PRSS27: variants seen among roughly 807,000 people sequenced by gnomAD.
The protein encoded by PRSS27 is channel-activating protease 2.
PRSS27 carries 25 observed loss-of-function variants against 32.0 expected under a neutral mutation model. That is an observed-to-expected ratio of 0.78 (90% confidence interval 0.57 to 1.09). The LOEUF is 1.09. Ranked by LOEUF, PRSS27 falls within the 50% of genes least tolerant of loss-of-function variation. PRSS27 has a pLI of 0.00. For missense variants in PRSS27, 401 were observed against 394.9 expected, an observed-to-expected ratio of 1.02 and a Z score of -0.13; for synonymous variants, 178 against 172.2, an observed-to-expected ratio of 1.03 and a Z score of -0.26.
Position 2,718,556 on chromosome 16 carries a change from A to T in PRSS27, c.46+1559T>A, listed in dbSNP as rs564583111. 15 of 152,068 alleles carry T rather than the reference A, an allele frequency of 9.9e-5. No individual in the cohort carries two copies. In the East Asian group the frequency reaches 2.9e-3, roughly 29 times the overall value. The allele number at this position is 152,068 out of a possible 1,614,324, so 9.4% of individuals were successfully genotyped here. A position where few individuals can be genotyped will look rare whatever the true frequency, so the allele number is the denominator to read the frequency against. On this transcript the variant is annotated intron_variant, in intron 1 of 5. Transcript: ENST00000302641. Reference sequence around the variant, plus strand: ...ATAGTCTCGATCTCCTGGCCCCGTGATCCGCCCACCTCGGCCTCCCAAAGT... The same window carrying T: ...ATAGTCTCGATCTCCTGGCCCCGTGTTCCGCCCACCTCGGCCTCCCAAAGT...
In PRSS27 at chr16:2,719,990, G is replaced by A. The variant is rs571648526; in HGVS notation, c.46+125C>T. On this transcript the variant is annotated intron_variant, in intron 1 of 5. Coordinates refer to ENST00000302641, the MANE Select transcript of PRSS27 (RefSeq NM_031948.5). ...TTCCCACCTGCTCAGGGGCAGGAGG[G>A]ATGATGGCCTGTCCCACAGCCCCAG... 1.7e-5 allele frequency: 15 copies of A among 889,240 alleles called. No individual in the cohort carries two copies. The East Asian group carries it at 3.2e-4, about 19-fold the overall frequency. 55.1% of individuals were successfully genotyped at this position (889,240 alleles called of 1,614,324 possible).
Position 2,714,481 on chromosome 16 carries a change from T to C in PRSS27, c.237-145A>G. 1 of 913,822 alleles carries C rather than the reference T, an allele frequency of 1.1e-6. No homozygotes were observed. Among genetic ancestry groups the C allele is most frequent in the Non-Finnish European group, 1.7e-6 (1 of 599,670 alleles). The allele number at this position is 913,822 out of a possible 1,614,324, so 56.6% of individuals were successfully genotyped here. The stretch of plus-strand genomic sequence containing the variant: ...GAGAGTCATCTCTAGGACAGCCAGG[T>C]GCAGCGGTGATGCGTGTTGACATTG... On this transcript the variant is annotated intron_variant, in intron 3 of 5. Coordinates refer to ENST00000302641, the MANE Select transcript of PRSS27 (RefSeq NM_031948.5). This position sits in a 1 kb window ranked among gnomAD's most constrained non-coding sequence, Gnocchi z 4.7.
At chr16:2,715,935 G>A (rs996194775) in intron 2 of PRSS27, 55 bp from the exon 3 acceptor site, 17 of 1,427,796 alleles carry the variant, frequency 1.2e-5, no homozygotes, top group African/African-American at 9.9e-5. Context: ...TTCCATGGCC[G>A]AGGCCCAGCT....
At position 2,714,236 on chromosome 16, in the gene PRSS27, T is replaced by G; in HGVS notation, c.337A>C (p.Asn113His). 6.2e-7 allele frequency: 1 copy of G among 1,613,684 alleles called. No homozygotes were observed. The highest frequency in any genetic ancestry group is 8.5e-7 in the Non-Finnish European group (1 of 1,179,884). The change falls in exon 4 of 6, where the codon AAC (asparagine) becomes CAC (histidine). Residue 113 changes from asparagine (N) to histidine (H), a missense_variant. Asn to His is a moderately conservative substitution (Grantham distance 68). Coordinates refer to ENST00000302641, the MANE Select transcript of PRSS27 (RefSeq NM_031948.5). The surrounding 1 kb of genome is among the most constrained non-coding windows in gnomAD (Gnocchi z 4.7). ...GAGGCCGTGCCCTGGTACAGGGGGTTGCTCTCCACCTGCCTCACCCGGGCA... is the reference window on the plus strand; with the variant it reads ...GAGGCCGTGCCCTGGTACAGGGGGTGGCTCTCCACCTGCCTCACCCGGGCA... The part of the protein sequence containing the change: ...MYARVRQVES[N>H]PLYQGTASSA...
At position 2,716,535 on chromosome 16, in the gene PRSS27, G is replaced by C; in HGVS notation, c.47-9C>G. The C allele has an allele frequency of 6.3e-7, 1 of 1,598,820 alleles. No individual in the cohort carries two copies. The highest frequency in any genetic ancestry group is 8.5e-7 in the Non-Finnish European group (1 of 1,176,016). ...CTTGGCCCTCTGAGACCCTGGAAGTGAGGAGAGGGTGATCAGCCAGGCCAG... is the reference window on the plus strand; with the variant it reads ...CTTGGCCCTCTGAGACCCTGGAAGTCAGGAGAGGGTGATCAGCCAGGCCAG... On this transcript the variant is annotated splice_polypyrimidine_tract_variant and intron_variant, in intron 1 of 5. Transcript: ENST00000302641.
chr16:2,720,178 G>C lies in PRSS27; in HGVS notation c.-18C>G, dbSNP rs1401274715. The C allele has an allele frequency of 6.3e-7, 1 of 1,584,030 alleles. No individual in the cohort carries two copies. Among genetic ancestry groups the C allele is most frequent in the Non-Finnish European group, 8.6e-7 (1 of 1,165,360 alleles). ...CGCCTCATGTCCTCAGGCCTGGCTG[G>C]GGCGCAGGGCCGTGGTCGGCGGTGG... On this transcript the variant is annotated 5_prime_UTR_variant, in exon 1 of 6. Coordinates refer to ENST00000302641, the MANE Select transcript of PRSS27 (RefSeq NM_031948.5).
chr16:2,717,514 T>C lies in PRSS27; in HGVS notation c.47-988A>G, dbSNP rs749243080. 3.9e-5 allele frequency: 6 copies of C among 152,396 alleles called. No homozygotes were observed. Among genetic ancestry groups the C allele is most frequent in the Non-Finnish European group, 8.8e-5 (6 of 68,274 alleles). 9.4% of individuals were successfully genotyped at this position (152,396 alleles called of 1,614,324 possible). On this transcript the variant is annotated intron_variant, in intron 1 of 5. Coordinates refer to ENST00000302641, the MANE Select transcript of PRSS27 (RefSeq NM_031948.5). This position sits in a 1 kb window ranked among gnomAD's most constrained non-coding sequence, Gnocchi z 4.1. ...CCACCCCTGCACTCCACGCGTCTGATTCTGTGGGGGCAAGATTCGCCCGTA... is the reference window on the plus strand; with the variant it reads ...CCACCCCTGCACTCCACGCGTCTGACTCTGTGGGGGCAAGATTCGCCCGTA...
intron 1 of PRSS27, 143 bp downstream of exon 1, chr16:2,719,972 C>T: frequency 1.3e-6 from 1 of 778,754 alleles, no homozygotes; most frequent in East Asian, 2.7e-5. Flanking sequence ...GCCTTCCCAC[C>T]TGCTCAGGGG....
At position 2,714,455 on chromosome 16, in the gene PRSS27, C is replaced by G; in HGVS notation, c.237-119G>C. 8.7e-7 allele frequency: 1 copy of G among 1,153,680 alleles called. No homozygotes were observed. The highest frequency in any genetic ancestry group is 1.2e-6 in the Non-Finnish European group (1 of 805,716). The allele number at this position is 1,153,680 out of a possible 1,614,324, so 71.5% of individuals were successfully genotyped here. A position where few individuals can be genotyped will look rare whatever the true frequency, so the allele number is the denominator to read the frequency against. ...CACACCTCTCTCTGCACAATGTCTTCGAGAGTCATCTCTAGGACAGCCAGG... is the reference window on the plus strand; with the variant it reads ...CACACCTCTCTCTGCACAATGTCTTGGAGAGTCATCTCTAGGACAGCCAGG... On this transcript the variant is annotated intron_variant, in intron 3 of 5. Coordinates refer to ENST00000302641, the MANE Select transcript of PRSS27 (RefSeq NM_031948.5). This position sits in a 1 kb window ranked among gnomAD's most constrained non-coding sequence, Gnocchi z 4.7.
At position 2,713,377 on chromosome 16, in the gene PRSS27, C is replaced by T. The variant is rs1203079517; in HGVS notation, c.678+152G>A. On this transcript the variant is annotated intron_variant, in intron 5 of 5. Coordinates refer to ENST00000302641, the MANE Select transcript of PRSS27 (RefSeq NM_031948.5). ...CCTCCCAAAGTGCTGGGATTACAGG[C>T]GTGAGCCACCACACCCGGCCCTGGA... The T allele has an allele frequency of 4.0e-5, 32 of 803,238 alleles. No homozygotes were observed. The Middle Eastern group carries it at 6.7e-4, about 17-fold the overall frequency. 49.8% of individuals were successfully genotyped at this position (803,238 alleles called of 1,614,324 possible).
chr16:2,714,429 C>A lies in PRSS27; in HGVS notation c.237-93G>T. The A allele has an allele frequency of 7.3e-7, 1 of 1,364,640 alleles. No individual in the cohort carries two copies. The highest frequency in any genetic ancestry group is 1.0e-6 in the Non-Finnish European group (1 of 984,504). The allele number at this position is 1,364,640 out of a possible 1,614,324, so 84.5% of individuals were successfully genotyped here. ...GGGCTCCTCTGGCCACCACCGTGCCCCACACCTCTCTCTGCACAATGTCTT... is the reference window on the plus strand; with the variant it reads ...GGGCTCCTCTGGCCACCACCGTGCCACACACCTCTCTCTGCACAATGTCTT... On this transcript the variant is annotated intron_variant, in intron 3 of 5. Coordinates refer to ENST00000302641, the MANE Select transcript of PRSS27 (RefSeq NM_031948.5). The surrounding 1 kb of genome is among the most constrained non-coding windows in gnomAD (Gnocchi z 4.7).
At chr16:2,713,786 C>T (rs1006277016) in intron 4 of PRSS27, 88 bp from the exon 5 acceptor site, 22 of 1,431,448 alleles carry the variant, frequency 1.5e-5, no homozygotes, top group African/African-American at 1.3e-4. Context: ...TCCTGCCTGT[C>T]GTTTCCTCAT....
At chr16:2,716,123 C>T in intron 2 of PRSS27, 1 of 532,350 alleles carries the variant, frequency 1.9e-6, no homozygotes. Context: ...TCTTGGGGGC[C>T]ACGGAGGCAC....
Position 2,712,883 on chromosome 16 carries a change from G to A in PRSS27, c.679-69C>T. ...CCAGAGACTCAGTTGCAGCCGCACA[G>A]GAGGTGTGTAGCTCCGCAATGGATT... On this transcript the variant is annotated intron_variant, in intron 5 of 5. Transcript: ENST00000302641. This position sits in a 1 kb window ranked among gnomAD's most constrained non-coding sequence, Gnocchi z 4.6. 7.9e-7 allele frequency: 1 copy of A among 1,273,380 alleles called. No individual in the cohort carries two copies. Among genetic ancestry groups the A allele is most frequent in the Admixed American group, 2.7e-5 (1 of 36,440 alleles). 78.9% of individuals were successfully genotyped at this position (1,273,380 alleles called of 1,614,324 possible). A position where few individuals can be genotyped will look rare whatever the true frequency, so the allele number is the denominator to read the frequency against.
intron 1 of PRSS27, chr16:2,718,411 G>A (rs1387277069): frequency 6.6e-6 from 1 of 151,306 alleles, no homozygotes; most frequent in Non-Finnish European, 1.5e-5. Flanking sequence ...TCCGCCTCCT[G>A]GGTTCACGCC....
In PRSS27 at chr16:2,716,392, T is replaced by A. The variant is rs2067702658; in HGVS notation, c.73+108A>T. The A allele has an allele frequency of 2.8e-6, 3 of 1,062,786 alleles. No individual in the cohort carries two copies. In the African/African-American group the frequency reaches 4.7e-5, roughly 17 times the overall value. 65.8% of individuals were successfully genotyped at this position (1,062,786 alleles called of 1,614,324 possible). A position where few individuals can be genotyped will look rare whatever the true frequency, so the allele number is the denominator to read the frequency against. ...ACACAGCCCCCACTTTCCCCTCCTC[T>A]GGAATTCCCCAGTGTCCTGTGCGTT... On this transcript the variant is annotated intron_variant, in intron 2 of 5. Transcript: ENST00000302641.
At chr16:2,719,243 A>G (rs1335075667) in intron 1 of PRSS27, among the ~76,000 whole-genome samples, 1 of 151,894 alleles carries the variant, frequency 6.6e-6, no homozygotes, top group African/African-American at 2.4e-5. Flanking sequence ...CTCAGAGGGC[A>G]CCATCCTTGT....
At position 2,717,537 on chromosome 16, in the gene PRSS27, G is replaced by GT. The variant is rs2067709731; in HGVS notation, c.47-1012dup. Reference sequence around the variant, plus strand: ...GATTCTGTGGGGGCAAGATTCGCCCGTAGCTGGGGAGGGGTTAGAACAGCC... The same window carrying GT: ...GATTCTGTGGGGGCAAGATTCGCCCGTTAGCTGGGGAGGGGTTAGAACAGCC... On this transcript the variant is annotated intron_variant, in intron 1 of 5. Coordinates refer to ENST00000302641, the MANE Select transcript of PRSS27 (RefSeq NM_031948.5). This position sits in a 1 kb window ranked among gnomAD's most constrained non-coding sequence, Gnocchi z 4.1. 6.6e-6 allele frequency: 1 copy of GT among 152,354 alleles called. No individual in the cohort carries two copies. Among genetic ancestry groups the GT allele is most frequent in the South Asian group, 2.1e-4 (1 of 4,832 alleles). 9.4% of individuals were successfully genotyped at this position (152,354 alleles called of 1,614,324 possible).
At chr16:2,716,428 T>C in intron 2 of PRSS27, 72 bp downstream of exon 2, 1 of 1,419,652 alleles carries the variant, frequency 7.0e-7, no homozygotes, top group Non-Finnish European at 9.8e-7. Context: ...CCAAATTCCC[T>C]CTGGCCATGA....
Sources: allele counts gnomAD v4.1 joint callset (sites outside exome capture counted in the v4.1 genomes callset), GRCh38; gene constraint gnomAD v4.1.1; non-coding constraint Gnocchi (gnomAD v3.1); transcripts MANE v1.5; gene names NCBI Gene and HGNC (gene_info 2026-07-23, HGNC 2026-07-21).